The following ITFG1 variants were observed in gnomAD, a reference collection of about 807,000 sequenced individuals.
ITFG1 encodes integrin alpha FG-GAP repeat containing 1.
ITFG1 carries 34 observed loss-of-function variants against 81.8 expected under a neutral mutation model. The observed-to-expected ratio is 0.42, with a 90% CI of 0.32 to 0.55. The LOEUF (loss-of-function observed/expected upper bound fraction) is 0.55. Among genes scored for constraint, ITFG1 ranks in the 20% least tolerant of loss-of-function variants. ITFG1 has a pLI of 0.17. For missense variants in ITFG1, 672 were observed against 755.4 expected, an observed-to-expected ratio of 0.89 and a Z score of 1.29; for synonymous variants, 285 against 270.6, an observed-to-expected ratio of 1.05 and a Z score of -0.52.
intron 6 of ITFG1, among the ~76,000 whole-genome samples, chr16:47,385,650 A>G (rs1968451942): frequency 6.6e-6 from 1 of 152,248 alleles, no homozygotes; most frequent in Non-Finnish European, 1.5e-5. Flanking sequence ...TAAACCTTAC[A>G]GTGACTAAGA....
At chr16:47,196,538 C>G (rs148026778) in intron 14 of ITFG1, 1 of 152,124 alleles carries the variant, frequency 6.6e-6, no homozygotes, top group Non-Finnish European at 1.5e-5. Context: ...CTGAACTGAG[C>G]CCTCCTGGGC....
In ITFG1 at chr16:47,461,025, G is replaced by C. The variant is rs1187031380; in HGVS notation, c.21C>G (p.Leu7=). Residue 7 remains leucine, a synonymous_variant, in exon 1 of 18, where the codon CTC becomes CTG. Transcript: ENST00000320640. ...GCGAGAAGAGGGCCCAGGAGCTCGG[G>C]AGCCGGCCCGCCGCCGCCATGGCAG... The part of the protein sequence containing the change: MAAAGR[L]PSSWALFSPL... 7 of 1,543,088 alleles carry C rather than the reference G, an allele frequency of 4.5e-6. No homozygotes were observed. Among genetic ancestry groups the C allele is most frequent in the Non-Finnish European group, 6.1e-6 (7 of 1,146,306 alleles).
At chr16:47,218,825 T>C in intron 14 of ITFG1, 43 bp downstream of exon 14, 1 of 1,218,956 alleles carries the variant, frequency 8.2e-7, no homozygotes, top group East Asian at 2.5e-5. Context: ...ATATATTGAC[T>C]GAAGAAGCTT....
At chr16:47,191,123 A>G (rs1206093591) in intron 14 of ITFG1, among the ~76,000 whole-genome samples, 1 of 152,180 alleles carries the variant, frequency 6.6e-6, no homozygotes, top group African/African-American at 2.4e-5. Flanking sequence ...ATTGGGGGCC[A>G]TTAGTGTAGC....
At chr16:47,285,777 G>GA (rs1966867295) in intron 10 of ITFG1, among the ~76,000 whole-genome samples, 1 of 152,162 alleles carries the variant, frequency 6.6e-6, no homozygotes, top group Admixed American at 6.6e-5. Context: ...TATTACATAA[G>GA]AGCTGTAGAA....
At chr16:47,454,274 C>A (rs1969424512) in intron 2 of ITFG1, 116 bp from the exon 3 acceptor site, 1 of 832,176 alleles carries the variant, frequency 1.2e-6, no homozygotes, top group Non-Finnish European at 2.0e-6. Context: ...ACAGAACTGA[C>A]TGATTGCCTT....
intron 8 of ITFG1, among the ~76,000 whole-genome samples, chr16:47,350,862 C>T (rs1489621812): frequency 1.3e-5 from 2 of 152,126 alleles, no homozygotes; most frequent in African/African-American, 2.4e-5. Flanking sequence ...AAAGCTTATC[C>T]ACCATGATCA....
At position 47,230,456 on chromosome 16, in the gene ITFG1, G is replaced by C. The variant is rs144043807; in HGVS notation, c.1374+7509C>G. 5.9e-5 allele frequency among the ~76,000 whole-genome samples: 9 copies of C among 152,294 alleles called. No individual in the cohort carries two copies. The East Asian group carries it at 1.5e-3, about 26-fold the overall frequency. On this transcript the variant is annotated intron_variant, in intron 13 of 17. Coordinates refer to ENST00000320640, the MANE Select transcript of ITFG1 (RefSeq NM_030790.5). ...CGAGTTTGGCTGAGAAAAGAAAAGA[G>C]AGATGGGTAGTAGCTGGAGGGGATG...
chr16:47,417,872 C>T (rs1000281495), intron 6 of ITFG1, among the ~76,000 whole-genome samples: 2 of 152,114 alleles, frequency 1.3e-5, no homozygotes, highest in Non-Finnish European at 2.9e-5. Context: ...ATACTGATTT[C>T]CTTTCCCTGG....
chr16:47,438,271 A>G (rs1360661459), intron 5 of ITFG1, among the ~76,000 whole-genome samples: 1 of 152,244 alleles, frequency 6.6e-6, no homozygotes, highest in Non-Finnish European at 1.5e-5. Flanking sequence ...CAGGGCACAG[A>G]CAAACAAAAG....
At chr16:47,454,220 T>C (rs1969423811) in intron 2 of ITFG1, 62 bp from the exon 3 acceptor site, 2 of 1,282,836 alleles carry the variant, frequency 1.6e-6, no homozygotes, top group Non-Finnish European at 2.2e-6. Context: ...CAATTCTGTA[T>C]TTCTACCACA....
intron 14 of ITFG1, chr16:47,196,219 G>C (rs554534267): frequency 4.8e-5 from 7 of 144,798 alleles, no homozygotes; most frequent in Admixed American, 4.8e-4. Context: ...TTTTTTTTTG[G>C]TATTTATCCT....
At chr16:47,421,253 CAT>C (rs1298453809) in intron 6 of ITFG1, among the ~76,000 whole-genome samples, 1 of 149,140 alleles carries the variant, frequency 6.7e-6, no homozygotes, top group Non-Finnish European at 1.5e-5. Flanking sequence ...TATATACACA[CAT>C]ATATACATAC....
chr16:47,181,220 C>G (rs367850685), intron 14 of ITFG1, among the ~76,000 whole-genome samples: 1 of 149,222 alleles, frequency 6.7e-6, no homozygotes, highest in Non-Finnish European at 1.5e-5. Flanking sequence ...ACCCTCTGCC[C>G]GGCAGCCGCC....
chr16:47,275,849 T>C (rs1966392546), intron 10 of ITFG1, among the ~76,000 whole-genome samples: 1 of 152,136 alleles, frequency 6.6e-6, no homozygotes, highest in Non-Finnish European at 1.5e-5. Flanking sequence ...CTTTTAAAAT[T>C]TGTACTTCCT....
rs1317279279 is a variant in ITFG1 at position 47,325,524 on chromosome 16, T to C, written c.803-11701A>G. On this transcript the variant is annotated intron_variant, in intron 8 of 17. Transcript: ENST00000320640. ...CACAAAAAACCCTTCAAAAAATCAA[T>C]GAAGCCAGGAGCTGGTTTTTTGAAA... is the stretch of plus-strand genomic sequence containing the variant. Among the ~76,000 whole-genome samples the C allele has an allele frequency of 3.3e-5, 5 of 151,998 alleles. No individual in the cohort carries two copies. The East Asian group carries it at 5.8e-4, about 18-fold the overall frequency.
At chr16:47,251,306 G>A (rs1389631606) in intron 12 of ITFG1, among the ~76,000 whole-genome samples, 2 of 152,216 alleles carry the variant, frequency 1.3e-5, no homozygotes, top group Non-Finnish European at 2.9e-5. Flanking sequence ...TCCTGTCTGA[G>A]AGCCCTCAAG....
At chr16:47,218,760 A>G (rs1305282895) in intron 14 of ITFG1, 108 bp downstream of exon 14, 1 of 498,586 alleles carries the variant, frequency 2.0e-6, no homozygotes, top group African/African-American at 2.0e-5. Flanking sequence ...AATAAAAGTG[A>G]AGATGTTATT....
At chr16:47,365,283 G>C (rs779804141) in intron 8 of ITFG1, among the ~76,000 whole-genome samples, 4 of 152,196 alleles carry the variant, frequency 2.6e-5, no homozygotes, top group Non-Finnish European at 5.9e-5. Flanking sequence ...ATATGCTTTG[G>C]AAGTTCCTGA....
Sources: gnomAD v4.1 joint callset for allele counts (sites outside exome capture counted in the v4.1 genomes callset) on GRCh38, gnomAD v4.1.1 for gene constraint, MANE v1.5 for transcripts, NCBI Gene and HGNC (gene_info 2026-07-23, HGNC 2026-07-21) for gene names.